Variants in NOL8 observed in about 807,000 individuals in gnomAD.
The protein encoded by NOL8 is nucleolar protein Nop132.
Under a neutral mutation model 116.1 loss-of-function variants are expected in NOL8, and 93 were observed. The ratio of observed to expected loss-of-function variants is 0.80; its 90% CI spans 0.68 to 0.95. NOL8 has a LOEUF of 0.95. Among genes scored for constraint, NOL8 ranks in the 40% least tolerant of loss-of-function variants. NOL8 has a pLI of 0.00. For synonymous variants in NOL8, 419 were observed against 469.0 expected, an observed-to-expected ratio of 0.89 and a Z score of 1.38; for missense variants, 1,291 against 1,382.8, an observed-to-expected ratio of 0.93 and a Z score of 1.05.
Position 92,310,248 on chromosome 9 carries a change from T to C in NOL8, c.2609A>G (p.Gln870Arg). 6.2e-7 allele frequency: 1 copy of C among 1,607,514 alleles called. No homozygotes were observed. The highest frequency in any genetic ancestry group is 8.5e-7 in the Non-Finnish European group (1 of 1,176,888). Residue 870 changes from glutamine (Q) to arginine (R), a missense_variant, in exon 10 of 17, where the codon CAG becomes CGG. Gln to Arg is a conservative substitution (Grantham distance 43). Coordinates refer to ENST00000442668, the MANE Select transcript of NOL8 (RefSeq NM_017948.6). ...GRAGQKLMDLQSHFGTDDRFR... is the reference protein window; with the variant it reads ...GRAGQKLMDLRSHFGTDDRFR... ...TCTGTCATCGGTGCCAAAGTGCGACTGTAAATCCATGAGCTACACAGACAG... is the reference window on the plus strand; with the variant it reads ...TCTGTCATCGGTGCCAAAGTGCGACCGTAAATCCATGAGCTACACAGACAG...
chr9:92,309,938 C>A (rs1838615358), intron 10 of NOL8, among the ~76,000 whole-genome samples: 1 of 152,114 alleles, frequency 6.6e-6, no homozygotes, highest in Non-Finnish European at 1.5e-5. Flanking sequence ...GAAAATGGTA[C>A]CTTTGGTGGA....
intron 13 of NOL8, 159 bp from the exon 14 acceptor site, chr9:92,300,175 C>T: frequency 4.6e-6 from 6 of 1,302,340 alleles, no homozygotes; most frequent in Non-Finnish European, 5.9e-6. Context: ...GTAGTATCAT[C>T]TTTTTAGATT....
chr9:92,310,956 G>A, intron 8 of NOL8, 190 bp downstream of exon 8: 1 of 582,516 alleles, frequency 1.7e-6, no homozygotes, highest in East Asian at 2.9e-5. Context: ...TCATGCTGCA[G>A]ATGTTGTGGA....
intron 4 of NOL8, chr9:92,319,825 G>A: frequency 2.9e-6 from 1 of 349,038 alleles, no homozygotes; most frequent in Non-Finnish European, 5.6e-6. Context: ...CTATACGGTT[G>A]GACAGCAGTG....
Position 92,315,286 on chromosome 9 carries a change from G to A in NOL8, c.1339C>T (p.Arg447Cys), listed in dbSNP as rs776943946. The A allele has an allele frequency of 9.9e-6, 16 of 1,613,940 alleles. No homozygotes were observed. The East Asian group carries it at 2.0e-4, about 20-fold the overall frequency. ...ALSHGLKSLN[R>C]KSPSHSSSSE... Reference sequence around the variant, plus strand: ...CTACTGGAGTGAGAGGGAGATTTACGATTAAGAGACTTTAATCCATGACTG... The same window carrying A: ...CTACTGGAGTGAGAGGGAGATTTACAATTAAGAGACTTTAATCCATGACTG... The change falls in exon 7 of 17, where the codon CGT becomes TGT. Residue 447 changes from arginine to cysteine, a missense_variant. Arg to Cys is a radical substitution (Grantham distance 180). Transcript: ENST00000442668.
At chr9:92,310,047 A>G in intron 10 of NOL8, 124 bp downstream of exon 10, 1 of 666,974 alleles carries the variant, frequency 1.5e-6, no homozygotes, top group Non-Finnish European at 2.6e-6. Context: ...ATTTGATTAT[A>G]AACTCCTCAA....
At chr9:92,320,545 T>C (rs535876196) in intron 4 of NOL8, among the ~76,000 whole-genome samples, 3 of 152,316 alleles carry the variant, frequency 2.0e-5, no homozygotes, top group East Asian at 3.9e-4. Context: ...TTACATTTCA[T>C]TGGTCTGGAA....
chr9:92,305,062 A>G (rs1222767220), intron 12 of NOL8, among the ~76,000 whole-genome samples: 2 of 151,952 alleles, frequency 1.3e-5, no homozygotes, highest in Non-Finnish European at 1.5e-5. Flanking sequence ...CCCAAAAGCT[A>G]TGTCCATGTC....
chr9:92,303,578 A>G (rs1240025498), intron 12 of NOL8, among the ~76,000 whole-genome samples: 1 of 152,190 alleles, frequency 6.6e-6, no homozygotes, highest in East Asian at 1.9e-4. Context: ...TGTCACAGAA[A>G]AAGTTATAGA....
Position 92,316,038 on chromosome 9 carries a change from T to C in NOL8, c.587A>G (p.Glu196Gly), listed in dbSNP as rs755273085. 30 of 1,613,848 alleles carry C rather than the reference T, an allele frequency of 1.9e-5. No individual in the cohort carries two copies. Among genetic ancestry groups the C allele is most frequent in the East Asian group, 6.7e-5 (3 of 44,886 alleles). The change falls in exon 7 of 17, where the codon GAA becomes GGA. Residue 196 changes from glutamate (E) to glycine (G), a missense_variant. Physicochemically the swap from Glu to Gly is moderately conservative, Grantham distance 98. Coordinates refer to ENST00000442668, the MANE Select transcript of NOL8 (RefSeq NM_017948.6). ...CTTACTCATAGGGTCATTCCCTCCTTCTAATTCCCAAGTCAGGCTGGATAT... is the reference window on the plus strand; with the variant it reads ...CTTACTCATAGGGTCATTCCCTCCTCCTAATTCCCAAGTCAGGCTGGATAT... ...IPISSLTWEL[E>G]GGNDPMSKKR... is the part of the protein sequence containing the mutation.
Position 92,299,879 on chromosome 9 carries a change from A to G in NOL8, c.3302+11T>C. The G allele has an allele frequency of 6.2e-7, 1 of 1,611,956 alleles. No homozygotes were observed. The highest frequency in any genetic ancestry group is 8.5e-7 in the Non-Finnish European group (1 of 1,178,910). The stretch of plus-strand genomic sequence containing the variant: ...TTATGAACTATGCCTGCAAAGAAAC[A>G]AATTGTTTACCCAGGACTGGAGTTT... On this transcript the variant is annotated intron_variant, in intron 14 of 16. Transcript: ENST00000442668.
At position 92,325,349 on chromosome 9, in the gene NOL8, C is replaced by G. The variant is rs1221584149; in HGVS notation, c.-92G>C. 3 of 152,532 alleles carry G rather than the reference C, an allele frequency of 2.0e-5. No individual in the cohort carries two copies. The highest frequency in any genetic ancestry group is 7.2e-5 in the African/African-American group (3 of 41,446). The allele number at this position is 152,532 out of a possible 1,614,324, so 9.4% of individuals were successfully genotyped here. On this transcript the variant is annotated 5_prime_UTR_variant, in exon 1 of 17. Coordinates refer to ENST00000442668, the MANE Select transcript of NOL8 (RefSeq NM_017948.6). ...CCAGCGCCGCTGCAGCCCCTAACTT[C>G]TGGTCACGTGTCCCAACGGAGCATC...
chr9:92,319,117 G>C (rs933842543), intron 5 of NOL8, 104 bp downstream of exon 5: 21 of 1,285,714 alleles, frequency 1.6e-5, no homozygotes, highest in Non-Finnish European at 2.0e-5. Flanking sequence ...CTCCAAGAAA[G>C]GGGAAAAGAG....
rs1838736742 is a variant in NOL8 at position 92,311,092 on chromosome 9, G to T, written c.2472+54C>A. The T allele has an allele frequency of 4.4e-6, 6 of 1,358,048 alleles. No homozygotes were observed. In the South Asian group the frequency reaches 7.3e-5, roughly 17 times the overall value. The allele number at this position is 1,358,048 out of a possible 1,614,324, so 84.1% of individuals were successfully genotyped here. On this transcript the variant is annotated intron_variant, in intron 8 of 16. Transcript: ENST00000442668. The stretch of plus-strand genomic sequence containing the variant: ...ATGTTGAGATTGCCAGTTGTTTGTG[G>T]TGTGGATCTGCAGAAGTAGATGAAT...
At chr9:92,307,925 A>C (rs1323099510) in intron 10 of NOL8, among the ~76,000 whole-genome samples, 1 of 152,240 alleles carries the variant, frequency 6.6e-6, no homozygotes, top group African/African-American at 2.4e-5. Context: ...CAAAAAGTTT[A>C]CACTGCATTA....
At chr9:92,301,484 A>G in intron 13 of NOL8, 67 bp downstream of exon 13, 1 of 1,221,060 alleles carries the variant, frequency 8.2e-7, no homozygotes, top group Non-Finnish European at 1.1e-6. Context: ...TGTTACACTT[A>G]ATGCAGATTC....
chr9:92,315,154 A>G lies in NOL8; in HGVS notation c.1471T>C (p.Leu491=). ...AGATCACTGCCAGCCAATTGTTCCA[A>G]ATCAGCTAAAGTGAGATTCACACGA... The part of the protein sequence containing the change: ...CLRVNLTLAD[L]EQLAGSDLKV... The change falls in exon 7 of 17, where the codon TTG becomes CTG. Residue 491 remains leucine, a synonymous_variant. Transcript: ENST00000442668. 1 of 1,613,950 alleles carries G rather than the reference A, an allele frequency of 6.2e-7. No individual in the cohort carries two copies.
intron 6 of NOL8, among the ~76,000 whole-genome samples, chr9:92,316,440 A>G (rs1839419834): frequency 6.6e-6 from 1 of 152,196 alleles, no homozygotes; most frequent in African/African-American, 2.4e-5. Flanking sequence ...TCTCAGGGCT[A>G]TTTTCTGTAA....
chr9:92,306,934 T>C lies in NOL8; in HGVS notation c.2777A>G (p.Asn926Ser), dbSNP rs1838319228. ...LNVVQSVLQI[N>S]LSNSTNRGSV... ...TCCTCTGTTTGTAGAATTGCTTAAG[T>C]TGATTTGCAAAACACTTTGTACAAC... Residue 926 changes from asparagine to serine, a missense_variant, in exon 11 of 17, where the codon AAC becomes AGC. By Grantham distance (46) the Asn-to-Ser change is conservative. Transcript: ENST00000442668. 3.1e-6 allele frequency: 5 copies of C among 1,613,544 alleles called. No homozygotes were observed. Among genetic ancestry groups the C allele is most frequent in the Admixed American group, 3.3e-5 (2 of 60,020 alleles).
Sources: gnomAD v4.1 joint callset for allele counts (sites outside exome capture counted in the v4.1 genomes callset) on GRCh38, gnomAD v4.1.1 for gene constraint, MANE v1.5 for transcripts, NCBI Gene and HGNC (gene_info 2026-07-23, HGNC 2026-07-21) for gene names.